CDYL2: variants seen among roughly 807,000 people sequenced by gnomAD.
The protein encoded by CDYL2 is chromodomain Y like 2.
CDYL2 carries 23 observed loss-of-function variants against 49.4 expected under a neutral mutation model. The observed-to-expected ratio is 0.47, with a 90% CI of 0.34 to 0.66. CDYL2 has a LOEUF of 0.66. Ranked by LOEUF, CDYL2 falls within the 30% of genes least tolerant of loss-of-function variation. The pLI is 0.01. For missense variants in CDYL2, 678 were observed against 656.4 expected (o/e 1.03, Z -0.36); for synonymous variants, 360 against 268.8 (o/e 1.34, Z -3.32).
At chr16:80,750,732 A>C (rs1291781219) in intron 1 of CDYL2, among the ~76,000 whole-genome samples, 4 of 152,140 alleles carry the variant, frequency 2.6e-5, no homozygotes, top group Non-Finnish European at 5.9e-5. Context: ...TTAATAAACT[A>C]TTTCAGGCTG....
At chr16:80,756,567 T>C (rs1906316893) in intron 1 of CDYL2, among the ~76,000 whole-genome samples, 1 of 152,066 alleles carries the variant, frequency 6.6e-6, no homozygotes, top group Non-Finnish European at 1.5e-5. Flanking sequence ...ATAGGTGAAT[T>C]TGAAAAGGCT....
intron 1 of CDYL2, among the ~76,000 whole-genome samples, chr16:80,702,882 G>A (rs1207093786): frequency 1.3e-5 from 2 of 152,170 alleles, no homozygotes; most frequent in African/African-American, 4.8e-5. Flanking sequence ...CATCCCAGCT[G>A]CATGAGTGAG....
chr16:80,653,244 T>A (rs947909064), intron 2 of CDYL2, among the ~76,000 whole-genome samples: 2 of 152,204 alleles, frequency 1.3e-5, no homozygotes, highest in South Asian at 4.1e-4. Context: ...GGCAGGCGGA[T>A]CACCTGAGGT....
At chr16:80,759,752 C>T (rs1176580445) in intron 1 of CDYL2, among the ~76,000 whole-genome samples, 1 of 152,188 alleles carries the variant, frequency 6.6e-6, no homozygotes, top group Non-Finnish European at 1.5e-5. Flanking sequence ...GACTGCATAA[C>T]AACAACACAT....
intron 3 of CDYL2, 199 bp downstream of exon 3, chr16:80,632,820 T>C (rs1438497967): frequency 2.1e-5 from 12 of 560,438 alleles, no homozygotes; most frequent in Non-Finnish European, 3.5e-5. Context: ...GATGAGAGGG[T>C]ATCATTACAC....
chr16:80,727,301 G>C (rs1460701812), intron 1 of CDYL2, among the ~76,000 whole-genome samples: 12 of 152,342 alleles, frequency 7.9e-5, no homozygotes, highest in East Asian at 1.9e-4. Context: ...CAAGGGGTCA[G>C]GGAGTTCCGT....
At chr16:80,659,233 T>C (rs1156774925) in intron 2 of CDYL2, among the ~76,000 whole-genome samples, 1 of 152,198 alleles carries the variant, frequency 6.6e-6, no homozygotes, top group African/African-American at 2.4e-5. Context: ...AACTAGCTTG[T>C]ATTCTTCAAA....
intron 2 of CDYL2, among the ~76,000 whole-genome samples, chr16:80,657,818 G>A (rs1479415511): frequency 1.3e-5 from 2 of 151,990 alleles, no homozygotes; most frequent in African/African-American, 4.8e-5. Flanking sequence ...CAGGAAAACT[G>A]TACTTCCAAT....
intron 1 of CDYL2, among the ~76,000 whole-genome samples, chr16:80,717,902 AG>A (rs1904864452): frequency 6.6e-6 from 1 of 152,240 alleles, no homozygotes. Context: ...AAGCAAAAGT[AG>A]GGCACACTGA....
At chr16:80,755,933 C>T (rs8052726) in intron 1 of CDYL2, among the ~76,000 whole-genome samples, 29,354 of 152,118 alleles carry the variant, frequency 0.19, 6,188 homozygotes, top group African/African-American at 0.53. Context: ...ATAAAGTCTA[C>T]TATACCCTTA....
At chr16:80,622,182 C>G (rs1174174808) in intron 3 of CDYL2, among the ~76,000 whole-genome samples, 1 of 152,220 alleles carries the variant, frequency 6.6e-6, no homozygotes, top group Non-Finnish European at 1.5e-5. Context: ...GGAGAGGACT[C>G]AGCCCCAGAG....
chr16:80,631,213 A>G (rs115173706), intron 3 of CDYL2, among the ~76,000 whole-genome samples: 1,608 of 152,306 alleles, frequency 0.011, 33 homozygotes, highest in African/African-American at 0.037. Flanking sequence ...AATGTGGATC[A>G]TAACAATCCT....
chr16:80,627,727 C>T (rs1007226749), intron 3 of CDYL2: 1 of 152,186 alleles, frequency 6.6e-6, no homozygotes, highest in Non-Finnish European at 1.5e-5. Context: ...CAATGGTCAC[C>T]TGCTGGCCTA....
At chr16:80,795,160 A>C (rs542192856) in intron 1 of CDYL2, among the ~76,000 whole-genome samples, 31 of 152,328 alleles carry the variant, frequency 2.0e-4, no homozygotes, top group Non-Finnish European at 4.1e-4. Flanking sequence ...TTCCCTGATC[A>C]AGAATTTGAG....
In CDYL2 at chr16:80,598,627, G is replaced by C. The variant is rs1448661474; in HGVS notation, c.*5761C>G. On this transcript the variant is annotated 3_prime_UTR_variant, in exon 7 of 7. Transcript: ENST00000570137. Reference sequence around the variant, plus strand: ...TATTCAGATGGAGGAGTCTACACTGGCCAGATAACCTGGAGGAGTACCAGG... The same window carrying C: ...TATTCAGATGGAGGAGTCTACACTGCCCAGATAACCTGGAGGAGTACCAGG... 6.6e-6 allele frequency: 1 copy of C among 152,132 alleles called. No homozygotes were observed. Among genetic ancestry groups the C allele is most frequent in the Non-Finnish European group, 1.5e-5 (1 of 68,044 alleles). The allele number at this position is 152,132 out of a possible 1,614,324, so 9.4% of individuals were successfully genotyped here.
intron 2 of CDYL2, among the ~76,000 whole-genome samples, chr16:80,660,248 T>C (rs558910502): frequency 1.1e-3 from 170 of 152,200 alleles, no homozygotes; most frequent in Middle Eastern, 3.4e-3. Context: ...ATTTTTAAAA[T>C]TTTAGTAAAT....
At chr16:80,779,000 A>G (rs1907179627) in intron 1 of CDYL2, among the ~76,000 whole-genome samples, 3 of 152,074 alleles carry the variant, frequency 2.0e-5, no homozygotes, top group African/African-American at 7.2e-5. Context: ...TTCCACTAAA[A>G]TGGGCAAAAA....
intron 1 of CDYL2, among the ~76,000 whole-genome samples, chr16:80,697,751 T>A (rs564395572): frequency 6.6e-6 from 1 of 152,186 alleles, no homozygotes; most frequent in African/African-American, 2.4e-5. Flanking sequence ...AAAAGTCACA[T>A]TTCTATACAA....
intron 1 of CDYL2, among the ~76,000 whole-genome samples, chr16:80,697,417 T>C (rs1298015830): frequency 6.6e-6 from 1 of 152,082 alleles, no homozygotes; most frequent in African/African-American, 2.4e-5. Flanking sequence ...ACAAGGAACG[T>C]TCCTCAACAT....
Sources: gnomAD v4.1 joint callset for allele counts (sites outside exome capture counted in the v4.1 genomes callset) on GRCh38, gnomAD v4.1.1 for gene constraint, MANE v1.5 for transcripts, NCBI Gene and HGNC (gene_info 2026-07-23, HGNC 2026-07-21) for gene names.